PCDH9: variants seen among roughly 807,000 people sequenced by gnomAD.
PCDH9 encodes the protein protocadherin-9.
In PCDH9, 24 loss-of-function variants were observed where a neutral mutation model predicts 70.6. The ratio of observed to expected loss-of-function variants is 0.34; its 90% CI spans 0.25 to 0.48. The LOEUF (loss-of-function observed/expected upper bound fraction) is 0.48. PCDH9 is among the 20% of genes least tolerant of loss of function. The probability of loss-of-function intolerance (pLI) is 0.99; values close to 1 mark genes in which losing one functional copy is unlikely to be tolerated. For missense variants in PCDH9, 1,281 were observed against 1,503.6 expected (o/e 0.85, Z 2.45); for synonymous variants, 562 against 558.5 (o/e 1.01, Z -0.09).
chr13:66,835,098 C>T (rs1471890090), intron 3 of PCDH9, among the ~76,000 whole-genome samples: 2 of 152,200 alleles, frequency 1.3e-5, no homozygotes, highest in East Asian at 1.9e-4. Context: ...CCTGGTATGT[C>T]CTGAGGACTG....
chr13:66,397,387 C>A (rs1008596895), intron 4 of PCDH9, among the ~76,000 whole-genome samples: 91 of 151,902 alleles, frequency 6.0e-4, no homozygotes, highest in African/African-American at 2.1e-3. Flanking sequence ...CCACTGCACC[C>A]CAGCCTGGGT....
At chr13:66,748,115 C>G (rs113594125) in intron 3 of PCDH9, among the ~76,000 whole-genome samples, 1,964 of 152,204 alleles carry the variant, frequency 0.013, 40 homozygotes, top group African/African-American at 0.045. Flanking sequence ...TATCTCGAAG[C>G]ATATTGTAAA....
At chr13:66,685,525 C>A (rs1224227231) in intron 3 of PCDH9, among the ~76,000 whole-genome samples, 6 of 152,278 alleles carry the variant, frequency 3.9e-5, no homozygotes, top group Non-Finnish European at 1.5e-5. Context: ...GGGGTTGGAG[C>A]CCCCACACAG....
At chr13:66,432,922 C>G (rs1235825459) in intron 4 of PCDH9, among the ~76,000 whole-genome samples, 1 of 151,932 alleles carries the variant, frequency 6.6e-6, no homozygotes, top group Non-Finnish European at 1.5e-5. Context: ...ATAGACTGTG[C>G]ATACCAGAAA....
At chr13:67,047,428 C>CACACA (rs1453286833) in intron 2 of PCDH9, among the ~76,000 whole-genome samples, 5 of 152,130 alleles carry the variant, frequency 3.3e-5, no homozygotes, top group African/African-American at 1.2e-4. Context: ...ATAAATAAGT[C>CACACA]ACACAACACT....
intron 3 of PCDH9, among the ~76,000 whole-genome samples, chr13:66,890,909 A>C (rs769514022): frequency 3.3e-5 from 5 of 152,108 alleles, no homozygotes; most frequent in Non-Finnish European, 5.9e-5. Flanking sequence ...GTTATAGAAC[A>C]TTTATATTGC....
chr13:66,409,936 G>A (rs1957342284), intron 4 of PCDH9, among the ~76,000 whole-genome samples: 1 of 152,086 alleles, frequency 6.6e-6, no homozygotes, highest in Non-Finnish European at 1.5e-5. Context: ...CTATTTTAAG[G>A]TTCCCAGTAG....
At chr13:67,148,186 A>G (rs1029767053) in intron 2 of PCDH9, among the ~76,000 whole-genome samples, 14 of 148,038 alleles carry the variant, frequency 9.5e-5, no homozygotes, top group African/African-American at 3.5e-4. Flanking sequence ...TAAGATGTTA[A>G]GGCTACCTCC....
chr13:66,635,232 G>A (rs917857853), intron 3 of PCDH9, among the ~76,000 whole-genome samples: 1 of 152,046 alleles, frequency 6.6e-6, no homozygotes, highest in Admixed American at 6.6e-5. Flanking sequence ...ATTTTATCCT[G>A]TGGGAAATAT....
intron 4 of PCDH9, among the ~76,000 whole-genome samples, chr13:66,416,765 C>A (rs1957468333): frequency 6.6e-6 from 1 of 152,066 alleles, no homozygotes; most frequent in African/African-American, 2.4e-5. Flanking sequence ...GGTAGTCTGG[C>A]TTCTAGTCTG....
At chr13:67,150,421 T>C (rs2087629445) in intron 2 of PCDH9, among the ~76,000 whole-genome samples, 1 of 152,308 alleles carries the variant, frequency 6.6e-6, no homozygotes, top group African/African-American at 2.4e-5. Flanking sequence ...ATAGAGAGTA[T>C]TAATTTTATT....
chr13:66,952,742 T>A (rs912631432), intron 2 of PCDH9, among the ~76,000 whole-genome samples: 4 of 152,050 alleles, frequency 2.6e-5, no homozygotes, highest in Non-Finnish European at 4.4e-5. Context: ...TGGCTCTTTT[T>A]CCCAAGCCAC....
intron 2 of PCDH9, among the ~76,000 whole-genome samples, chr13:67,182,890 G>A (rs955430278): frequency 3.9e-5 from 6 of 152,024 alleles, no homozygotes; most frequent in Non-Finnish European, 8.8e-5. Context: ...ATGTTGGAAG[G>A]ATCAATGTAG....
At chr13:66,570,552 G>A (rs1364366595) in intron 4 of PCDH9, among the ~76,000 whole-genome samples, 2 of 152,124 alleles carry the variant, frequency 1.3e-5, no homozygotes, top group African/African-American at 4.8e-5. Flanking sequence ...AAGTGGACTA[G>A]GGTCCTCTCT....
intron 3 of PCDH9, among the ~76,000 whole-genome samples, chr13:66,855,066 T>G (rs1458954508): frequency 6.6e-6 from 1 of 151,974 alleles, no homozygotes; most frequent in African/African-American, 2.4e-5. Context: ...GTTTGAAAAT[T>G]TAGGTAACAC....
At chr13:66,795,282 A>G (rs1312416618) in intron 3 of PCDH9, among the ~76,000 whole-genome samples, 3 of 152,158 alleles carry the variant, frequency 2.0e-5, no homozygotes, top group Non-Finnish European at 2.9e-5. Context: ...TTCTTTGAGA[A>G]TCATGTCAAT....
At chr13:66,753,953 G>A (rs944793757) in intron 3 of PCDH9, among the ~76,000 whole-genome samples, 3 of 152,236 alleles carry the variant, frequency 2.0e-5, no homozygotes, top group South Asian at 4.1e-4. Flanking sequence ...AGTTAGAAAT[G>A]CATTGATTAT....
intron 4 of PCDH9, among the ~76,000 whole-genome samples, chr13:66,319,981 A>G (rs768401290): frequency 4.7e-4 from 72 of 152,238 alleles, no homozygotes; most frequent in Admixed American, 7.8e-4. Flanking sequence ...CCTATTACCT[A>G]TAGGTAATAT....
At chr13:66,358,235 A>G (rs1049677582) in intron 4 of PCDH9, among the ~76,000 whole-genome samples, 4 of 152,092 alleles carry the variant, frequency 2.6e-5, no homozygotes, top group Non-Finnish European at 5.9e-5. Context: ...GGAAAGTCTC[A>G]GTTTTATAAA....
Sources: gnomAD v4.1 joint callset for allele counts (sites outside exome capture counted in the v4.1 genomes callset) on GRCh38, gnomAD v4.1.1 for gene constraint, MANE v1.5 for transcripts, NCBI Gene and HGNC (gene_info 2026-07-23, HGNC 2026-07-21) for gene names.